FBXL7: variants seen among roughly 807,000 people sequenced by gnomAD.
FBXL7 encodes F-box and leucine rich repeat protein 7.
In FBXL7, 12 loss-of-function variants were observed where a neutral mutation model predicts 38.3. The observed-to-expected ratio is 0.31, with a 90% CI of 0.20 to 0.51. The LOEUF (loss-of-function observed/expected upper bound fraction) is 0.51, where lower values mean the gene tolerates loss of function less well. FBXL7 is among the 20% of genes least tolerant of loss of function. FBXL7 has a pLI of 0.98. For missense variants in FBXL7, 567 were observed against 676.4 expected, an observed-to-expected ratio of 0.84 and a Z score of 1.79; for synonymous variants, 297 against 300.9, an observed-to-expected ratio of 0.99 and a Z score of 0.13.
chr5:15,793,710 G>A (rs1490674476), intron 2 of FBXL7, among the ~76,000 whole-genome samples: 1 of 152,104 alleles, frequency 6.6e-6, no homozygotes, highest in Admixed American at 6.6e-5. Flanking sequence ...GATTTCTTAT[G>A]ATAATAATTT....
intron 1 of FBXL7, among the ~76,000 whole-genome samples, chr5:15,553,121 C>G (rs1162253193): frequency 6.6e-6 from 1 of 151,830 alleles, no homozygotes; most frequent in Non-Finnish European, 1.5e-5. Flanking sequence ...AACAAAAACC[C>G]CCAAAAAACA....
chr5:15,719,856 C>T (rs749771491), intron 2 of FBXL7, among the ~76,000 whole-genome samples: 2 of 148,752 alleles, frequency 1.3e-5, no homozygotes, highest in African/African-American at 4.9e-5. Flanking sequence ...TCTCAAAGAG[C>T]GACCTTGGAA....
intron 2 of FBXL7, among the ~76,000 whole-genome samples, chr5:15,723,927 A>G (rs1304136509): frequency 1.3e-5 from 2 of 152,180 alleles, no homozygotes; most frequent in African/African-American, 2.4e-5. Flanking sequence ...AGATAACACT[A>G]TATTACTTGA....
chr5:15,685,470 G>A (rs918071613), intron 2 of FBXL7, among the ~76,000 whole-genome samples: 2 of 152,160 alleles, frequency 1.3e-5, no homozygotes, highest in South Asian at 4.1e-4. Flanking sequence ...GAAAGACATG[G>A]GGAGACTATT....
chr5:15,734,707 A>G (rs1047991053), intron 2 of FBXL7, among the ~76,000 whole-genome samples: 3 of 152,214 alleles, frequency 2.0e-5, no homozygotes, highest in East Asian at 3.8e-4. Context: ...AGAAGGACTT[A>G]TGATACATAT....
At chr5:15,843,593 G>A (rs537892115) in intron 2 of FBXL7, among the ~76,000 whole-genome samples, 2 of 152,220 alleles carry the variant, frequency 1.3e-5, no homozygotes, top group Non-Finnish European at 2.9e-5. Context: ...TCCATAAATT[G>A]CTCTTCTCAA....
At chr5:15,781,913 G>C (rs113637289) in intron 2 of FBXL7, among the ~76,000 whole-genome samples, 6,364 of 152,172 alleles carry the variant, frequency 0.042, 136 homozygotes, top group Middle Eastern at 0.061. Context: ...CATGTGCCAT[G>C]GTGGTTTGCT....
intron 2 of FBXL7, among the ~76,000 whole-genome samples, chr5:15,835,725 T>G (rs550225131): frequency 5.3e-5 from 8 of 152,134 alleles, no homozygotes; most frequent in Non-Finnish European, 8.8e-5. Flanking sequence ...AAAATAACAC[T>G]GGACAGTGAC....
At chr5:15,580,405 G>T in intron 1 of FBXL7, among the ~76,000 whole-genome samples, 1 of 152,190 alleles carries the variant, frequency 6.6e-6, no homozygotes, top group South Asian at 2.1e-4. Context: ...CCAGGGAGGA[G>T]AATCAGACTC....
chr5:15,661,212 T>C (rs60543964), intron 2 of FBXL7, among the ~76,000 whole-genome samples: 3,889 of 152,322 alleles, frequency 0.026, 86 homozygotes, highest in East Asian at 0.053. Flanking sequence ...TGTTTATTTC[T>C]AGTGTATAGA....
chr5:15,937,231 A>T lies in FBXL7; in HGVS notation c.*45A>T. ...CGTTGTATTCACACAAACCTGAACA[A>T]AGCAAATTTTTTTAAAAGCAGCGTA... is the stretch of plus-strand genomic sequence containing the variant. On this transcript the variant is annotated 3_prime_UTR_variant, in exon 4 of 4. Coordinates refer to ENST00000504595, the MANE Select transcript of FBXL7 (RefSeq NM_012304.5). 1 of 1,489,524 alleles carries T rather than the reference A, an allele frequency of 6.7e-7. No individual in the cohort carries two copies. The allele number at this position is 1,489,524 out of a possible 1,614,324, so 92.3% of individuals were successfully genotyped here.
At chr5:15,797,060 G>C (rs1227672108) in intron 2 of FBXL7, among the ~76,000 whole-genome samples, 1 of 152,182 alleles carries the variant, frequency 6.6e-6, no homozygotes, top group Non-Finnish European at 1.5e-5. Flanking sequence ...ATTATTTGTA[G>C]ATAGTCTGAA....
chr5:15,680,181 A>G (rs1373523674), intron 2 of FBXL7, among the ~76,000 whole-genome samples: 2 of 152,188 alleles, frequency 1.3e-5, no homozygotes, highest in South Asian at 2.1e-4. Flanking sequence ...ATGTACATTG[A>G]AAAAGGCAGC....
In FBXL7 at chr5:15,851,813, TACACAC is replaced by T. The variant is rs35896061; in HGVS notation, c.128-76045_128-76040del. Among the ~76,000 whole-genome samples the T allele has an allele frequency of 2.1e-3, 282 of 133,690 alleles. 2 individuals are homozygous for T. In the South Asian group the frequency reaches 0.022, roughly 10 times the overall value. 87.7% of individuals were successfully genotyped at this position (133,690 alleles called of 152,430 possible). A position where few individuals can be genotyped will look rare whatever the true frequency, so the allele number is the denominator to read the frequency against. ...TGGAAAAAAAGATTCTGCAAACTAA[TACACAC>T]ACACACACACACACACACACACACA... On this transcript the variant is annotated intron_variant, in intron 2 of 3. Coordinates refer to ENST00000504595, the MANE Select transcript of FBXL7 (RefSeq NM_012304.5).
At chr5:15,913,280 T>A (rs74430917) in intron 2 of FBXL7, among the ~76,000 whole-genome samples, 2 of 137,700 alleles carry the variant, frequency 1.5e-5, no homozygotes, top group Non-Finnish European at 3.3e-5. Flanking sequence ...TTTTTTTTTT[T>A]ATTATACTCT....
At chr5:15,507,386 A>G (rs990549237) in intron 1 of FBXL7, among the ~76,000 whole-genome samples, 1 of 152,216 alleles carries the variant, frequency 6.6e-6, no homozygotes, top group African/African-American at 2.4e-5. Context: ...CAAAACAGAA[A>G]ATAGAGGTAG....
At chr5:15,630,635 A>G (rs1028663043) in intron 2 of FBXL7, among the ~76,000 whole-genome samples, 3 of 152,160 alleles carry the variant, frequency 2.0e-5, no homozygotes, top group Non-Finnish European at 4.4e-5. Context: ...TGCAAGTGAT[A>G]TTCTGTTTCC....
intron 2 of FBXL7, among the ~76,000 whole-genome samples, chr5:15,694,363 T>C (rs1266869668): frequency 6.6e-6 from 1 of 152,200 alleles, no homozygotes. Context: ...TTAACACCAG[T>C]GTTAATACAG....
intron 2 of FBXL7, among the ~76,000 whole-genome samples, chr5:15,833,253 A>C (rs2126776101): frequency 6.6e-6 from 1 of 152,292 alleles, no homozygotes; most frequent in African/African-American, 2.4e-5. Flanking sequence ...AGTAGGGCTC[A>C]GTCTCTGGCT....
Sources: allele counts gnomAD v4.1 joint callset (sites outside exome capture counted in the v4.1 genomes callset), GRCh38; gene constraint gnomAD v4.1.1; transcripts MANE v1.5; gene names NCBI Gene and HGNC (gene_info 2026-07-23, HGNC 2026-07-21).